Variants in GLYATL2 observed in about 807,000 individuals in gnomAD.
GLYATL2 encodes glycine N-acyltransferase-like protein 2.
A neutral mutation model predicts 21.4 loss-of-function variants in GLYATL2; 25 were observed. The observed-to-expected ratio is 1.17, with a 90% CI of 0.85 to 1.63. The LOEUF is 1.63. Ranked by LOEUF, GLYATL2 falls within the 40% of genes most tolerant of loss-of-function variation. GLYATL2 has a pLI of 0.00. For missense variants in GLYATL2, 361 were observed against 343.3 expected (o/e 1.05, Z -0.41); for synonymous variants, 114 against 118.2 (o/e 0.96, Z 0.23).
chr11:58,841,726 C>T (rs1442127411), intron 1 of GLYATL2, among the ~76,000 whole-genome samples: 2 of 152,210 alleles, frequency 1.3e-5, no homozygotes, highest in Non-Finnish European at 2.9e-5. Context: ...AATGGCACAG[C>T]ATTCTGCCCA....
chr11:58,837,155 T>C lies in GLYATL2; in HGVS notation c.336A>G (p.Glu112=), dbSNP rs1393814075. The part of the protein sequence containing the change: ...QIQGCQEGLD[E]AIRKVATSKS... ...TTGAAGTTGCAACCTTTCTTATTGC[T>C]TCATCCAAGCCCTCTTGGCAACCTG... The change falls in exon 5 of 6, where the codon GAA becomes GAG. Residue 112 remains glutamate (E), a synonymous_variant. Coordinates refer to ENST00000287275, the MANE Select transcript of GLYATL2 (RefSeq NM_145016.4). The C allele has an allele frequency of 1.2e-6, 2 of 1,613,810 alleles. No individual in the cohort carries two copies. Among genetic ancestry groups the C allele is most frequent in the East Asian group, 2.2e-5 (1 of 44,876 alleles).
At chr11:58,853,469 C>A (rs773502998) in intron 1 of GLYATL2, among the ~76,000 whole-genome samples, 10 of 152,162 alleles carry the variant, frequency 6.6e-5, no homozygotes, top group Non-Finnish European at 1.3e-4. Context: ...TTTAGTATCA[C>A]TGGGGGTCCT....
At chr11:58,873,651 G>A (rs371089375) in intron 1 of GLYATL2, among the ~76,000 whole-genome samples, 1 of 152,132 alleles carries the variant, frequency 6.6e-6, no homozygotes, top group Non-Finnish European at 1.5e-5. Flanking sequence ...TGATCATGGT[G>A]GATAAGCTTT....
intron 1 of GLYATL2, among the ~76,000 whole-genome samples, chr11:58,879,975 C>T (rs1016690074): frequency 2.6e-5 from 4 of 151,796 alleles, no homozygotes; most frequent in Non-Finnish European, 5.9e-5. Context: ...TCTCCTGCCT[C>T]AGCCTCCCAA....
At chr11:58,872,382 T>A (rs2134603918) in intron 1 of GLYATL2, among the ~76,000 whole-genome samples, 1 of 152,364 alleles carries the variant, frequency 6.6e-6, no homozygotes, top group South Asian at 2.1e-4. Flanking sequence ...TGAATGGTAT[T>A]CCCTAGGTTT....
intron 1 of GLYATL2, among the ~76,000 whole-genome samples, chr11:58,857,368 G>C (rs982597534): frequency 8.5e-5 from 13 of 152,180 alleles, no homozygotes; most frequent in Non-Finnish European, 1.6e-4. Context: ...AGCTGGCTGG[G>C]GAGGGGTGTC....
At chr11:58,905,384 G>A (rs1854838884), upstream of GLYATL2, 1 of 441,076 alleles carries the variant, frequency 2.3e-6, no homozygotes, top group African/African-American at 2.0e-5. Flanking sequence ...GCTGCCGCTG[G>A]ATCCCGCCTG....
chr11:58,836,223 A>G (rs1441855573), intron 5 of GLYATL2, among the ~76,000 whole-genome samples: 1 of 151,608 alleles, frequency 6.6e-6, no homozygotes, highest in South Asian at 2.1e-4. Flanking sequence ...TGTTCTATCC[A>G]CCTTATTTTT....
At chr11:58,875,464 A>G (rs1398674915) in intron 1 of GLYATL2, among the ~76,000 whole-genome samples, 1 of 152,008 alleles carries the variant, frequency 6.6e-6, no homozygotes, top group South Asian at 2.1e-4. Context: ...TTCCTTCAGG[A>G]GCTCTTTTAG....
upstream of GLYATL2, chr11:58,907,549 A>T (rs1453930922): frequency 2.8e-6 from 1 of 360,158 alleles, no homozygotes; most frequent in Admixed American, 3.6e-5. Flanking sequence ...TTGGCCAGAA[A>T]TTCAAGGTAA....
chr11:58,889,196 G>C (rs930184625), intron 1 of GLYATL2, among the ~76,000 whole-genome samples: 4 of 151,554 alleles, frequency 2.6e-5, no homozygotes, highest in Non-Finnish European at 4.4e-5. Context: ...TTTTGTTATT[G>C]CTTTTTATTT....
At position 58,834,489 on chromosome 11, in the gene GLYATL2, C is replaced by T. The variant is rs1272769197; in HGVS notation, c.825G>A (p.Gly275=). Residue 275 remains glycine, a synonymous_variant, in exon 6 of 6, where the codon GGG becomes GGA. Coordinates refer to ENST00000287275, the MANE Select transcript of GLYATL2 (RefSeq NM_145016.4). The part of the protein sequence containing the change: ...EKSLQALNNL[G]FKICPCGWHQ... ...GCCAGCCACAAGGACAAATCTTAAA[C>T]CCCAAATTGTTCAGTGCCTGTAGGC... 6.2e-6 allele frequency: 10 copies of T among 1,612,366 alleles called. No individual in the cohort carries two copies. The highest frequency in any genetic ancestry group is 8.5e-6 in the Non-Finnish European group (10 of 1,179,386).
chr11:58,883,991 G>C (rs962542063), intron 1 of GLYATL2, among the ~76,000 whole-genome samples: 1 of 152,096 alleles, frequency 6.6e-6, no homozygotes, highest in Non-Finnish European at 1.5e-5. Context: ...AACAGATGCA[G>C]AAAAAGCCTT....
intron 1 of GLYATL2, among the ~76,000 whole-genome samples, chr11:58,856,954 A>T (rs767231318): frequency 6.6e-6 from 1 of 152,164 alleles, no homozygotes; most frequent in Non-Finnish European, 1.5e-5. Flanking sequence ...TATTTGTAAA[A>T]CTACAGTACC....
intron 1 of GLYATL2, among the ~76,000 whole-genome samples, chr11:58,861,044 C>T (rs553738215): frequency 2.6e-5 from 4 of 152,054 alleles, no homozygotes; most frequent in African/African-American, 7.2e-5. Context: ...AGTGCTATTG[C>T]CTATTATTTT....
rs2134614507 is a variant in GLYATL2 at position 58,883,579 on chromosome 11, C to T, written n.60+20577G>A. Among the ~76,000 whole-genome samples the T allele has an allele frequency of 1.3e-5, 2 of 152,266 alleles. 1 individual carries two copies. The highest frequency in any genetic ancestry group is 4.1e-4 in the South Asian group (2 of 4,824). ...CTGAAATTGAGACAATTATCAATAG[C>T]CTACCAACCAAAAAATGTCCAGGAC... On this transcript the variant is annotated intron_variant and non_coding_transcript_variant, in intron 1 of 4. Coordinates refer to the GLYATL2 transcript ENST00000533636.
chr11:58,867,920 C>T (rs1314730395), intron 1 of GLYATL2, among the ~76,000 whole-genome samples: 1 of 148,868 alleles, frequency 6.7e-6, no homozygotes, highest in African/African-American at 2.4e-5. Flanking sequence ...GCATAGGGGC[C>T]TAGTTCCAGC....
At chr11:58,870,179 A>T (rs1014030619) in intron 1 of GLYATL2, among the ~76,000 whole-genome samples, 4 of 152,160 alleles carry the variant, frequency 2.6e-5, no homozygotes, top group African/African-American at 9.7e-5. Flanking sequence ...AACAGTTGTA[A>T]TTTTTAATAG....
chr11:58,903,813 C>T (rs1374415571), intron 1 of GLYATL2, among the ~76,000 whole-genome samples: 1 of 152,204 alleles, frequency 6.6e-6, no homozygotes, highest in Admixed American at 6.5e-5. Context: ...CAGCCTCTTG[C>T]CCCTTCTTAA....
Sources: allele counts gnomAD v4.1 joint callset (sites outside exome capture counted in the v4.1 genomes callset), GRCh38; gene constraint gnomAD v4.1.1; transcripts MANE v1.5; gene names NCBI Gene and HGNC (gene_info 2026-07-23, HGNC 2026-07-21).